Variants in CDH13 observed in about 807,000 individuals in gnomAD.
CDH13 encodes cadherin-13.
CDH13 carries 24 observed loss-of-function variants against 63.8 expected under a neutral mutation model. The ratio of observed to expected loss-of-function variants is 0.38; its 90% CI spans 0.27 to 0.53. CDH13 has a LOEUF of 0.53. Among genes scored for constraint, CDH13 ranks in the 20% least tolerant of loss-of-function variants. The pLI is 0.85. For synonymous variants in CDH13, 503 were observed against 355.3 expected (o/e 1.42, Z -4.67); for missense variants, 1,049 against 903.1 (o/e 1.16, Z -2.07).
chr16:83,745,977 C>T (rs562735281), intron 10 of CDH13, among the ~76,000 whole-genome samples: 130 of 152,252 alleles, frequency 8.5e-4, no homozygotes, highest in Non-Finnish European at 1.5e-3. Context: ...GGTTCAGGGT[C>T]GCAGCTCCAA....
intron 6 of CDH13, among the ~76,000 whole-genome samples, chr16:83,372,070 TCAA>T (rs2091377257): frequency 6.6e-6 from 1 of 152,194 alleles, no homozygotes; most frequent in African/African-American, 2.4e-5. Context: ...ATCACCATCA[TCAA>T]CAATAACAGC....
At chr16:83,206,155 C>G (rs1409952665) in intron 4 of CDH13, among the ~76,000 whole-genome samples, 2 of 152,112 alleles carry the variant, frequency 1.3e-5, no homozygotes, top group Non-Finnish European at 2.9e-5. Flanking sequence ...GGAGGACTTT[C>G]GGCAGCTTTT....
chr16:82,855,718 C>T (rs79260384), intron 1 of CDH13, among the ~76,000 whole-genome samples: 1 of 152,172 alleles, frequency 6.6e-6, no homozygotes, highest in African/African-American at 2.4e-5. Flanking sequence ...CCACAGCGTT[C>T]TTTTCACTTT....
At chr16:82,879,253 G>A (rs960047385) in intron 2 of CDH13, among the ~76,000 whole-genome samples, 2 of 151,858 alleles carry the variant, frequency 1.3e-5, no homozygotes, top group African/African-American at 4.8e-5. Context: ...CCTAGAAAAA[G>A]CTCCTTAGCT....
chr16:82,808,334 C>G (rs888550626), intron 1 of CDH13, among the ~76,000 whole-genome samples: 1 of 152,268 alleles, frequency 6.6e-6, no homozygotes, highest in East Asian at 1.9e-4. Flanking sequence ...ATCTAACAGC[C>G]TTTGATACCT....
At chr16:82,922,916 C>T (rs147451227) in intron 2 of CDH13, among the ~76,000 whole-genome samples, 1 of 152,060 alleles carries the variant, frequency 6.6e-6, no homozygotes, top group African/African-American at 2.4e-5. Context: ...CAACGGCAAT[C>T]AAGGAAATAT....
intron 5 of CDH13, among the ~76,000 whole-genome samples, chr16:83,340,364 A>C (rs2090695406): frequency 6.6e-6 from 1 of 152,122 alleles, no homozygotes; most frequent in Admixed American, 6.6e-5. Context: ...ATAGACCTAC[A>C]AACATCTGTC....
At chr16:82,907,787 G>A (rs1057429661) in intron 2 of CDH13, among the ~76,000 whole-genome samples, 2 of 152,040 alleles carry the variant, frequency 1.3e-5, no homozygotes, top group African/African-American at 2.4e-5. Flanking sequence ...CGCTGTGCAG[G>A]GCCTCCACTT....
At chr16:83,627,652 C>A (rs9929368) in intron 8 of CDH13, among the ~76,000 whole-genome samples, 1 of 152,128 alleles carries the variant, frequency 6.6e-6, no homozygotes, top group Non-Finnish European at 1.5e-5. Context: ...TCAGGCTCAA[C>A]CAATCCTCTC....
At chr16:83,292,299 G>C (rs1223458045) in intron 5 of CDH13, among the ~76,000 whole-genome samples, 1 of 152,136 alleles carries the variant, frequency 6.6e-6, no homozygotes, top group East Asian at 1.9e-4. Context: ...TGTTGCATTT[G>C]TAGTTTGAGT....
chr16:82,928,309 T>G (rs1386523097), intron 2 of CDH13, among the ~76,000 whole-genome samples: 1 of 152,238 alleles, frequency 6.6e-6, no homozygotes, highest in Non-Finnish European at 1.5e-5. Flanking sequence ...CTCTAGGTTT[T>G]CACTTCTTAT....
At chr16:83,011,568 C>T (rs1054089880) in intron 2 of CDH13, among the ~76,000 whole-genome samples, 6 of 152,242 alleles carry the variant, frequency 3.9e-5, no homozygotes, top group East Asian at 3.9e-4. Flanking sequence ...GTCAACCGGG[C>T]GGTAAAACGT....
intron 8 of CDH13, among the ~76,000 whole-genome samples, chr16:83,620,547 C>G (rs1022747035): frequency 6.6e-6 from 1 of 152,148 alleles, no homozygotes; most frequent in Non-Finnish European, 1.5e-5. Flanking sequence ...GTCCTTCACC[C>G]AAGTGGGAAT....
At chr16:83,000,544 G>A (rs1169667658) in intron 2 of CDH13, among the ~76,000 whole-genome samples, 1 of 148,870 alleles carries the variant, frequency 6.7e-6, no homozygotes, top group African/African-American at 2.5e-5. Context: ...CACCTCACCC[G>A]ACCCCAAGGT....
At chr16:82,686,479 G>T (rs887625689) in intron 1 of CDH13, among the ~76,000 whole-genome samples, 1 of 152,166 alleles carries the variant, frequency 6.6e-6, no homozygotes, top group African/African-American at 2.4e-5. Context: ...AAAGAATGCA[G>T]GCTCGGCTTT....
At chr16:83,744,360 T>G (rs1912368152) in intron 10 of CDH13, among the ~76,000 whole-genome samples, 1 of 152,152 alleles carries the variant, frequency 6.6e-6, no homozygotes, top group Non-Finnish European at 1.5e-5. Context: ...CAGTAAAAAT[T>G]TGCCAGGTGG....
chr16:83,799,219 A>C lies in CDH13; in HGVS notation c.*4189A>C, dbSNP rs1246533830. ...CCCCAGCTACTCAGGAGGCTGAGGC[A>C]GGAGAATCGCTTGAACCCAGGAGGC... On this transcript the variant is annotated 3_prime_UTR_variant, in exon 14 of 14. Coordinates refer to ENST00000567109, the MANE Select transcript of CDH13 (RefSeq NM_001257.5). 6.6e-6 allele frequency: 1 copy of C among 151,250 alleles called. No homozygotes were observed. Among genetic ancestry groups the C allele is most frequent in the Admixed American group, 6.6e-5 (1 of 15,118 alleles). The allele number at this position is 151,250 out of a possible 1,614,324, so 9.4% of individuals were successfully genotyped here. A position where few individuals can be genotyped will look rare whatever the true frequency, so the allele number is the denominator to read the frequency against.
chr16:82,702,433 T>G (rs2031112277), intron 1 of CDH13, among the ~76,000 whole-genome samples: 1 of 152,188 alleles, frequency 6.6e-6, no homozygotes, highest in Non-Finnish European at 1.5e-5. Context: ...TTCGTCTCAG[T>G]GCTCCCCAGG....
intron 6 of CDH13, among the ~76,000 whole-genome samples, chr16:83,416,704 G>T (rs1369067453): frequency 6.6e-6 from 1 of 152,114 alleles, no homozygotes; most frequent in East Asian, 1.9e-4. Context: ...CTATTCATAG[G>T]TTGAAAAGAG....
Sources: allele counts gnomAD v4.1 joint callset (sites outside exome capture counted in the v4.1 genomes callset), GRCh38; gene constraint gnomAD v4.1.1; transcripts MANE v1.5; gene names NCBI Gene and HGNC (gene_info 2026-07-23, HGNC 2026-07-21).